LIPI: variants seen among roughly 807,000 people sequenced by gnomAD.
LIPI encodes the protein lipase member I.
In LIPI, 59 loss-of-function variants were observed where a neutral mutation model predicts 50.6. That is an observed-to-expected ratio of 1.16 (90% CI 0.94 to 1.45). LIPI has a LOEUF of 1.45. Among genes scored for constraint, LIPI ranks in the 40% most tolerant of loss-of-function variants. The pLI is 0.00. For missense variants in LIPI, 586 were observed against 536.3 expected (o/e 1.09, Z -0.92); for synonymous variants, 203 against 178.2 (o/e 1.14, Z -1.11).
At chr21:14,167,681 A>C (rs1359206152) in intron 4 of LIPI, among the ~76,000 whole-genome samples, 1 of 152,186 alleles carries the variant, frequency 6.6e-6, no homozygotes, top group African/African-American at 2.4e-5. Context: ...AAACTAACAA[A>C]CAGAAAGGAC....
intron 7 of LIPI, among the ~76,000 whole-genome samples, chr21:14,156,274 T>C (rs368810248): frequency 2.0e-5 from 3 of 151,918 alleles, no homozygotes; most frequent in East Asian, 3.9e-4. Flanking sequence ...ATTATCTAGG[T>C]GGACCCAATG....
intron 9 of LIPI, among the ~76,000 whole-genome samples, chr21:14,135,392 A>T (rs1014588833): frequency 6.6e-6 from 1 of 152,170 alleles, no homozygotes; most frequent in Admixed American, 6.5e-5. Context: ...CATATCACTA[A>T]AAGAGGAATT....
At chr21:14,193,630 T>C (rs2019750263) in intron 1 of LIPI, among the ~76,000 whole-genome samples, 1 of 152,102 alleles carries the variant, frequency 6.6e-6, no homozygotes, top group Non-Finnish European at 1.5e-5. Context: ...AGTTAAAATC[T>C]GTTACAAGAG....
At chr21:14,180,924 T>C (rs1037558496) in intron 4 of LIPI, among the ~76,000 whole-genome samples, 3 of 152,284 alleles carry the variant, frequency 2.0e-5, no homozygotes, top group East Asian at 3.9e-4. Context: ...TACCACCATA[T>C]CCTCTCCTGA....
At chr21:14,159,750 C>A (rs1008047194) in intron 7 of LIPI, among the ~76,000 whole-genome samples, 3 of 151,364 alleles carry the variant, frequency 2.0e-5, no homozygotes, top group African/African-American at 7.3e-5. Flanking sequence ...TCCAATGAAT[C>A]TATTGTTTTA....
chr21:14,149,931 A>T (rs1365009985), intron 8 of LIPI, among the ~76,000 whole-genome samples: 1 of 152,188 alleles, frequency 6.6e-6, no homozygotes, highest in Non-Finnish European at 1.5e-5. Flanking sequence ...GCAAGCTGTC[A>T]GTGGATCTAC....
chr21:14,128,521 A>G (rs1288182347), intron 9 of LIPI, among the ~76,000 whole-genome samples: 1 of 152,092 alleles, frequency 6.6e-6, no homozygotes, highest in Non-Finnish European at 1.5e-5. Context: ...GGACTGAAAA[A>G]ATAGCATTTG....
At chr21:14,130,964 G>C (rs750675058) in intron 9 of LIPI, among the ~76,000 whole-genome samples, 1 of 151,968 alleles carries the variant, frequency 6.6e-6, no homozygotes, top group Non-Finnish European at 1.5e-5. Flanking sequence ...GTTTTGTTTC[G>C]TTTTGAGACG....
chr21:14,108,847 C>T lies in LIPI; in HGVS notation c.*146G>A, dbSNP rs62208635. On this transcript the variant is annotated 3_prime_UTR_variant, in exon 10 of 10. Transcript: ENST00000681601. ...TTTAACTGTATGCATTTTTTATTTT[C>T]TTTATTTTTGATTCTTAAAATTTTT... The T allele has an allele frequency of 2.2e-6, 2 of 924,258 alleles. No homozygotes were observed. The highest frequency in any genetic ancestry group is 2.5e-5 in the Admixed American group (1 of 40,234). The allele number at this position is 924,258 out of a possible 1,614,324, so 57.3% of individuals were successfully genotyped here.
chr21:14,118,303 A>T (rs2016732169), intron 9 of LIPI, among the ~76,000 whole-genome samples: 2 of 152,134 alleles, frequency 1.3e-5, no homozygotes, highest in African/African-American at 4.8e-5. Flanking sequence ...TTTATGGTAG[A>T]CACAGGTGCT....
At chr21:14,197,957 G>A (rs958552779) in intron 1 of LIPI, among the ~76,000 whole-genome samples, 5 of 152,126 alleles carry the variant, frequency 3.3e-5, no homozygotes, top group African/African-American at 1.2e-4. Flanking sequence ...CAGATTGGGA[G>A]CCAATGTTCA....
chr21:14,170,460 C>T (rs1331450699), intron 4 of LIPI, among the ~76,000 whole-genome samples: 1 of 152,112 alleles, frequency 6.6e-6, no homozygotes, highest in African/African-American at 2.4e-5. Context: ...ATGCAAAAAT[C>T]CTCAATAAAA....
chr21:14,125,557 T>A (rs1244262020), intron 9 of LIPI, among the ~76,000 whole-genome samples: 2 of 152,148 alleles, frequency 1.3e-5, no homozygotes, highest in Non-Finnish European at 2.9e-5. Flanking sequence ...TTTTGTTTTG[T>A]TTTGCTTGGC....
At chr21:14,205,829 A>G (rs1229784957) in intron 1 of LIPI, among the ~76,000 whole-genome samples, 1 of 152,098 alleles carries the variant, frequency 6.6e-6, no homozygotes, top group African/African-American at 2.4e-5. Context: ...GATTAGTATT[A>G]ATTTTTGTAC....
chr21:14,148,947 G>C (rs1476850514), intron 8 of LIPI, among the ~76,000 whole-genome samples: 2 of 152,136 alleles, frequency 1.3e-5, no homozygotes, highest in African/African-American at 2.4e-5. Context: ...GTTCCACATA[G>C]AATATAATGT....
intron 1 of LIPI, among the ~76,000 whole-genome samples, chr21:14,209,898 A>G (rs1376836496): frequency 6.6e-6 from 1 of 152,010 alleles, no homozygotes; most frequent in Non-Finnish European, 1.5e-5. Flanking sequence ...CTTAAGAGTA[A>G]TAATATAAAT....
rs193165211 is a variant in LIPI, at chr21:14,115,484, C to T, written c.1296-6404G>A. 7.2e-5 allele frequency among the ~76,000 whole-genome samples: 11 copies of T among 152,244 alleles called. No individual in the cohort carries two copies. The East Asian group carries it at 2.1e-3, about 29-fold the overall frequency. On this transcript the variant is annotated intron_variant, in intron 9 of 9. Coordinates refer to ENST00000681601, the MANE Select transcript of LIPI (RefSeq NM_001302998.2). Reference sequence around the variant, plus strand: ...CAGGTGATCACCTTTTAATAAAGACCTTTCCTGAACTCTGTTCGATCTCTC... The same window carrying T: ...CAGGTGATCACCTTTTAATAAAGACTTTTCCTGAACTCTGTTCGATCTCTC...
intron 1 of LIPI, among the ~76,000 whole-genome samples, chr21:14,209,980 G>T (rs886389460): frequency 2.0e-5 from 3 of 151,548 alleles, no homozygotes; most frequent in African/African-American, 7.3e-5. Context: ...AGAATTTATG[G>T]TTATCTCAAA....
chr21:14,205,554 C>CCA (rs2020202998), intron 1 of LIPI, among the ~76,000 whole-genome samples: 2 of 152,030 alleles, frequency 1.3e-5, no homozygotes, highest in South Asian at 4.1e-4. Context: ...ATACCTCCCC[C>CCA]CACACACACA....
Sources: allele counts gnomAD v4.1 joint callset (sites outside exome capture counted in the v4.1 genomes callset), GRCh38; gene constraint gnomAD v4.1.1; transcripts MANE v1.5; gene names NCBI Gene and HGNC (gene_info 2026-07-23, HGNC 2026-07-21).